CAMK1D: variants seen among roughly 807,000 people sequenced by gnomAD.
CAMK1D encodes the protein calcium/calmodulin dependent protein kinase ID.
CAMK1D carries 9 observed loss-of-function variants against 47.7 expected under a neutral mutation model. That is an observed-to-expected ratio of 0.19 (90% CI 0.11 to 0.33). The LOEUF is 0.33. Among genes scored for constraint, CAMK1D ranks in the 10% least tolerant of loss-of-function variants. The pLI, the probability that CAMK1D is intolerant of heterozygous loss-of-function variation, is 1.00. For synonymous variants in CAMK1D, 184 were observed against 184.9 expected (o/e 0.99, Z 0.04); for missense variants, 291 against 488.7 (o/e 0.60, Z 3.81).
At chr10:12,515,456 C>T (rs112772370) in intron 1 of CAMK1D, among the ~76,000 whole-genome samples, 16,578 of 100,506 alleles carry the variant, frequency 0.16, 1,333 homozygotes, top group Middle Eastern at 0.2. Flanking sequence ...TTAGGGTACA[C>T]GTGCACATTG....
intron 1 of CAMK1D, among the ~76,000 whole-genome samples, chr10:12,374,142 C>T (rs1361397709): frequency 1.3e-5 from 2 of 150,652 alleles, no homozygotes; most frequent in South Asian, 4.2e-4. Context: ...CATCTGTAGT[C>T]CCAGCTGCTC....
chr10:12,818,277 C>G (rs1832882296), intron 8 of CAMK1D, among the ~76,000 whole-genome samples: 1 of 152,178 alleles, frequency 6.6e-6, no homozygotes, highest in Non-Finnish European at 1.5e-5. Context: ...TATTGAGTCT[C>G]TATTATATTC....
intron 1 of CAMK1D, among the ~76,000 whole-genome samples, chr10:12,497,683 A>C (rs1834583009): frequency 6.6e-6 from 1 of 152,222 alleles, no homozygotes; most frequent in African/African-American, 2.4e-5. Flanking sequence ...GTCCAATTTT[A>C]CAAAAGCCTG....
chr10:12,465,951 T>C (rs1483685206), intron 1 of CAMK1D, among the ~76,000 whole-genome samples: 1 of 152,208 alleles, frequency 6.6e-6, no homozygotes, highest in Non-Finnish European at 1.5e-5. Flanking sequence ...GAAATGATCA[T>C]AAATCATCAA....
intron 1 of CAMK1D, among the ~76,000 whole-genome samples, chr10:12,429,222 C>T (rs1293803493): frequency 6.6e-6 from 1 of 152,152 alleles, no homozygotes; most frequent in African/African-American, 2.4e-5. Flanking sequence ...TCTTTGCTGA[C>T]CCCTTCTCCC....
At chr10:12,364,281 G>T (rs1837770433) in intron 1 of CAMK1D, among the ~76,000 whole-genome samples, 1 of 115,326 alleles carries the variant, frequency 8.7e-6, no homozygotes. Flanking sequence ...TCCCTCTGTT[G>T]CCCAGGCTGG....
intron 1 of CAMK1D, among the ~76,000 whole-genome samples, chr10:12,356,690 C>G (rs1479330403): frequency 2.1e-5 from 3 of 140,898 alleles, no homozygotes; most frequent in Non-Finnish European, 4.5e-5. Flanking sequence ...CCACTGCACT[C>G]CAGCCTGGGT....
At chr10:12,611,418 G>A (rs1302563874) in intron 2 of CAMK1D, among the ~76,000 whole-genome samples, 1 of 151,902 alleles carries the variant, frequency 6.6e-6, no homozygotes, top group Non-Finnish European at 1.5e-5. Flanking sequence ...GGTTTCTGGG[G>A]ACGAATCCAG....
intron 1 of CAMK1D, among the ~76,000 whole-genome samples, chr10:12,545,146 G>A (rs978657121): frequency 3.4e-5 from 4 of 116,442 alleles, no homozygotes; most frequent in African/African-American, 9.2e-5. Context: ...GTGTACATGG[G>A]ATAGGTAATG....
chr10:12,642,670 A>G (rs2132490635), intron 2 of CAMK1D, among the ~76,000 whole-genome samples: 1 of 152,328 alleles, frequency 6.6e-6, no homozygotes, highest in South Asian at 2.1e-4. Context: ...ATTTTATCTA[A>G]TACTGATTTC....
At chr10:12,825,533 C>A (rs780003363) in intron 9 of CAMK1D, 40 bp from the exon 10 acceptor site, 16 of 1,591,832 alleles carry the variant, frequency 1.0e-5, no homozygotes, top group Non-Finnish European at 1.4e-5. Context: ...TTCCGATTAG[C>A]TGAAATATTT....
intron 3 of CAMK1D, among the ~76,000 whole-genome samples, chr10:12,736,689 T>C (rs2130831276): frequency 7.2e-6 from 1 of 139,846 alleles, no homozygotes; most frequent in South Asian, 2.5e-4. Flanking sequence ...CTTCCAAACT[T>C]TTTTTCTTCC....
intron 1 of CAMK1D, among the ~76,000 whole-genome samples, chr10:12,357,907 G>A (rs1344775326): frequency 6.6e-6 from 1 of 151,984 alleles, no homozygotes; most frequent in Non-Finnish European, 1.5e-5. Flanking sequence ...ATTATGCAGT[G>A]TATTGATTAT....
chr10:12,670,764 G>T (rs1564480550), intron 3 of CAMK1D, among the ~76,000 whole-genome samples: 1 of 152,044 alleles, frequency 6.6e-6, no homozygotes, highest in Admixed American at 6.6e-5. Context: ...GGTCAGGCTG[G>T]TCTTGAACTC....
At chr10:12,441,600 G>T (rs1257721064) in intron 1 of CAMK1D, among the ~76,000 whole-genome samples, 1 of 150,448 alleles carries the variant, frequency 6.6e-6, no homozygotes, top group Non-Finnish European at 1.5e-5. Context: ...ATCACTGGAG[G>T]CCAGGAGTTC....
At chr10:12,528,326 A>G (rs1255671839) in intron 1 of CAMK1D, among the ~76,000 whole-genome samples, 2 of 152,252 alleles carry the variant, frequency 1.3e-5, no homozygotes, top group East Asian at 3.8e-4. Context: ...GGATAAATGT[A>G]CAAATCACTT....
intron 5 of CAMK1D, among the ~76,000 whole-genome samples, chr10:12,777,532 C>T (rs552786767): frequency 6.6e-6 from 1 of 151,908 alleles, no homozygotes; most frequent in African/African-American, 2.4e-5. Context: ...GCCACCATGC[C>T]CTAGGCTAAT....
chr10:12,525,461 C>T (rs1465281055), intron 1 of CAMK1D, among the ~76,000 whole-genome samples: 2 of 152,176 alleles, frequency 1.3e-5, no homozygotes, highest in African/African-American at 4.8e-5. Context: ...ATTCTCTCTT[C>T]CAGTTTGAGT....
At chr10:12,461,516 C>A (rs542911389) in intron 1 of CAMK1D, among the ~76,000 whole-genome samples, 225 of 151,998 alleles carry the variant, frequency 1.5e-3, no homozygotes, top group African/African-American at 5.3e-3. Context: ...TGGTGAAACC[C>A]CGTCCCTACT....
Sources: gnomAD v4.1 joint callset for allele counts (sites outside exome capture counted in the v4.1 genomes callset) on GRCh38, gnomAD v4.1.1 for gene constraint, MANE v1.5 for transcripts, NCBI Gene and HGNC (gene_info 2026-07-23, HGNC 2026-07-21) for gene names.